Variants in ZNF726 observed in about 807,000 individuals in gnomAD.
The protein encoded by ZNF726 is zinc finger protein 726.
A neutral mutation model predicts 11.6 loss-of-function variants in ZNF726; 15 were observed. That is an observed-to-expected ratio of 1.29 (90% CI 0.86 to 1.99). The LOEUF (loss-of-function observed/expected upper bound fraction) is 1.99, where lower values mean the gene tolerates loss of function less well. ZNF726 is among the 30% of genes most tolerant of loss of function. The pLI, the probability that ZNF726 is intolerant of heterozygous loss-of-function variation, is 0.00. For missense variants in ZNF726, 890 were observed against 725.6 expected (o/e 1.23, Z -2.60); for synonymous variants, 295 against 243.6 (o/e 1.21, Z -1.96).
At chr19:23,927,493 G>T (rs139156319) in intron 3 of ZNF726, among the ~76,000 whole-genome samples, 2 of 151,796 alleles carry the variant, frequency 1.3e-5, no homozygotes, top group African/African-American at 4.8e-5. Context: ...TGTTGTGTTT[G>T]TTGTGGTTTT....
chr19:23,922,701 A>G (rs745990402), intron 3 of ZNF726, among the ~76,000 whole-genome samples: 1 of 152,156 alleles, frequency 6.6e-6, no homozygotes, highest in Non-Finnish European at 1.5e-5. Context: ...CCTTTCCTGG[A>G]TCTCAGAGCT....
chr19:23,935,619 C>T (rs1462698257), downstream of ZNF726: 3 of 313,178 alleles, frequency 9.6e-6, no homozygotes, highest in African/African-American at 2.2e-5. Context: ...GCTGACAAAT[C>T]CTAGAAATGT....
Position 23,920,075 on chromosome 19 carries a change from A to G in ZNF726, c.219A>G (p.Glu73=). 1.3e-6 allele frequency: 2 copies of G among 1,579,584 alleles called. No individual in the cohort carries two copies. Among genetic ancestry groups the G allele is most frequent in the Non-Finnish European group, 1.7e-6 (2 of 1,159,306 alleles). Residue 73 remains glutamate, a synonymous_variant, in exon 3 of 4, where the codon GAA becomes GAG. Coordinates refer to ENST00000594466, the MANE Select transcript of ZNF726 (RefSeq NM_001244038.2). ...TGAAGCGAGATGAGATGGTGGATGA[A>G]CCCCCAGGTAGGTGAGAGTGAATAC... ...WNMKRDEMVD[E]PPGICPHFAQ...
intron 3 of ZNF726, among the ~76,000 whole-genome samples, chr19:23,939,695 G>A (rs182398670): frequency 5.9e-5 from 9 of 152,102 alleles, no homozygotes; most frequent in East Asian, 5.8e-4. Flanking sequence ...ACAGTTTTTC[G>A]ATATTTTGAT....
intron 1 of ZNF726, among the ~76,000 whole-genome samples, chr19:23,917,211 A>G (rs539675393): frequency 1.1e-4 from 16 of 152,314 alleles, no homozygotes; most frequent in African/African-American, 3.6e-4. Context: ...TTGGCCTCCC[A>G]AAGTGCTGTG....
At chr19:23,916,484 C>G (rs186020491) in intron 1 of ZNF726, among the ~76,000 whole-genome samples, 2 of 152,236 alleles carry the variant, frequency 1.3e-5, no homozygotes, top group East Asian at 3.9e-4. Context: ...ATGCCTGGCA[C>G]CACGCCTGGC....
At position 23,919,502 on chromosome 19, in the gene ZNF726, G is replaced by C; in HGVS notation, c.130+3G>C. On this transcript the variant is annotated splice_donor_region_variant and intron_variant, in intron 2 of 3. Transcript: ENST00000594466. ...CTACAGAAACCTGGCCTTCCTGGGT[G>C]AGGATAACTTTAATACAAAATTTTT... The C allele has an allele frequency of 6.3e-7, 1 of 1,590,056 alleles. No individual in the cohort carries two copies. Among genetic ancestry groups the C allele is most frequent in the Non-Finnish European group, 8.5e-7 (1 of 1,170,606 alleles).
At chr19:23,919,219 ATGTT>A (rs1286058228) in intron 1 of ZNF726, 150 bp from the exon 2 acceptor site, 3 of 1,212,162 alleles carry the variant, frequency 2.5e-6, no homozygotes, top group African/African-American at 1.5e-5. Context: ...ACATTAGAAA[ATGTT>A]TGTGTTTTGA....
chr19:23,931,895 C>G (rs887449589), intron 3 of ZNF726, among the ~76,000 whole-genome samples: 1 of 152,098 alleles, frequency 6.6e-6, no homozygotes, highest in African/African-American at 2.4e-5. Flanking sequence ...TTTCTGTCAG[C>G]ACTTTATGTC....
At chr19:23,917,462 C>A (rs1320860381) in intron 1 of ZNF726, among the ~76,000 whole-genome samples, 5 of 149,986 alleles carry the variant, frequency 3.3e-5, no homozygotes, top group African/African-American at 1.2e-4. Flanking sequence ...GTCCATCTAG[C>A]TTTTAGAATG....
chr19:23,931,446 T>G (rs1160888889), intron 3 of ZNF726, among the ~76,000 whole-genome samples: 1 of 151,856 alleles, frequency 6.6e-6, no homozygotes, highest in Non-Finnish European at 1.5e-5. Context: ...CCTGTTTTAA[T>G]CAGTATTATT....
downstream of ZNF726, chr19:23,936,051 A>G (rs1422602347): frequency 6.6e-6 from 1 of 152,248 alleles, no homozygotes; most frequent in African/African-American, 2.4e-5. Flanking sequence ...TTTGTTCAAC[A>G]TCAGGGAGTT....
At chr19:23,929,817 A>G (rs1365372475) in intron 3 of ZNF726, among the ~76,000 whole-genome samples, 3 of 152,166 alleles carry the variant, frequency 2.0e-5, no homozygotes, top group Non-Finnish European at 4.4e-5. Flanking sequence ...TAAATATTCT[A>G]CAGAATAGCT....
chr19:23,925,799 C>G (rs540714589), intron 3 of ZNF726, among the ~76,000 whole-genome samples: 4 of 146,646 alleles, frequency 2.7e-5, no homozygotes, highest in African/African-American at 1.0e-4. Flanking sequence ...TCCCTGCAAC[C>G]TCCGCCTCCT....
chr19:23,923,897 G>A (rs1967918635), intron 3 of ZNF726: 1 of 152,308 alleles, frequency 6.6e-6, no homozygotes, highest in African/African-American at 2.4e-5. Context: ...TATATATTAT[G>A]TTTTGTATAC....
At chr19:23,921,941 G>T (rs112248481) in intron 3 of ZNF726, among the ~76,000 whole-genome samples, 7,595 of 152,200 alleles carry the variant, frequency 0.05, 298 homozygotes, top group South Asian at 0.08. Flanking sequence ...ATAGTATTGC[G>T]TTGGTGTCTG....
intron 3 of ZNF726, 135 bp downstream of exon 3, chr19:23,920,217 T>A (rs921248350): frequency 1.1e-4 from 55 of 496,898 alleles, no homozygotes; most frequent in Non-Finnish European, 2.8e-5. Flanking sequence ...TAAAAAAAAA[T>A]ATACTCTCAG....
In ZNF726 at chr19:23,933,353, A is replaced by T; in HGVS notation, c.1237A>T (p.Thr413Ser). 6.2e-7 allele frequency: 1 copy of T among 1,613,136 alleles called. No homozygotes were observed. Among genetic ancestry groups the T allele is most frequent in the Non-Finnish European group, 8.5e-7 (1 of 1,179,852 alleles). ...AGCTTTTCATCGATCCTCAAATCTT[A>T]CTAAACATAAGATAATTCATACTGG... ...GKAFHRSSNLTKHKIIHTGEK... is the reference protein window; with the variant it reads ...GKAFHRSSNLSKHKIIHTGEK... The change falls in exon 4 of 4, where the codon ACT becomes TCT. Residue 413 changes from threonine to serine, a missense_variant. Transcript: ENST00000594466.
chr19:23,940,333 T>C (rs950663927), intron 3 of ZNF726, among the ~76,000 whole-genome samples: 3 of 152,116 alleles, frequency 2.0e-5, no homozygotes, highest in Non-Finnish European at 2.9e-5. Flanking sequence ...GTATTTGGGT[T>C]TATTTCTGGG....
Sources: gnomAD v4.1 joint callset for allele counts (sites outside exome capture counted in the v4.1 genomes callset) on GRCh38, gnomAD v4.1.1 for gene constraint, MANE v1.5 for transcripts, NCBI Gene and HGNC (gene_info 2026-07-23, HGNC 2026-07-21) for gene names.